ANKRD44: variants seen among roughly 807,000 people sequenced by gnomAD.
ANKRD44 encodes ankyrin repeat domain 44.
ANKRD44 carries 35 observed loss-of-function variants against 116.0 expected under a neutral mutation model. That is an observed-to-expected ratio of 0.30 (90% CI 0.23 to 0.40). The LOEUF (loss-of-function observed/expected upper bound fraction) is 0.40, where lower values mean the gene tolerates loss of function less well. Ranked by LOEUF, ANKRD44 falls within the 10% of genes least tolerant of loss-of-function variation. ANKRD44 has a pLI of 1.00. For missense variants in ANKRD44, 1,014 were observed against 1,242.6 expected (o/e 0.82, Z 2.77); for synonymous variants, 435 against 461.8 (o/e 0.94, Z 0.74).
At chr2:196,976,681 C>T (rs1267957144) in intron 21 of ANKRD44, among the ~76,000 whole-genome samples, 1 of 152,034 alleles carries the variant, frequency 6.6e-6, no homozygotes, top group Non-Finnish European at 1.5e-5. Context: ...GCCTGCACAA[C>T]ATGACAAAAC....
intron 17 of ANKRD44, among the ~76,000 whole-genome samples, chr2:197,020,307 T>A (rs1219523837): frequency 1.3e-5 from 2 of 152,160 alleles, no homozygotes; most frequent in Non-Finnish European, 2.9e-5. Context: ...ATGCTGGCAA[T>A]TAGGAAAGCT....
At chr2:197,068,411 A>AAT (rs1188652595) in intron 16 of ANKRD44, among the ~76,000 whole-genome samples, 26 of 148,334 alleles carry the variant, frequency 1.8e-4, no homozygotes, top group Non-Finnish European at 7.5e-5. Context: ...AAATAAAATA[A>AAT]AAAAAAATAA....
chr2:197,304,511 T>C (rs113465709), intron 1 of ANKRD44, among the ~76,000 whole-genome samples: 1 of 152,126 alleles, frequency 6.6e-6, no homozygotes, highest in African/African-American at 2.4e-5. Context: ...TAGGCACATT[T>C]GTAAGAAATG....
At chr2:197,019,405 G>A (rs1189704913) in intron 17 of ANKRD44, among the ~76,000 whole-genome samples, 1 of 152,208 alleles carries the variant, frequency 6.6e-6, no homozygotes, top group African/African-American at 2.4e-5. Context: ...CTTTTATGGA[G>A]CACTTGCTGT....
intron 17 of ANKRD44, among the ~76,000 whole-genome samples, chr2:197,021,621 T>G (rs1383095589): frequency 6.6e-6 from 1 of 152,216 alleles, no homozygotes; most frequent in Non-Finnish European, 1.5e-5. Context: ...TCTGTTCATA[T>G]CCTTTGCCCA....
At chr2:197,294,483 G>A (rs966650841) in intron 1 of ANKRD44, among the ~76,000 whole-genome samples, 4 of 151,940 alleles carry the variant, frequency 2.6e-5, no homozygotes, top group Admixed American at 2.6e-4. Flanking sequence ...AAATGACTCT[G>A]GAAGTACAAG....
chr2:197,294,609 A>G (rs899366658), intron 1 of ANKRD44, among the ~76,000 whole-genome samples: 6 of 152,182 alleles, frequency 3.9e-5, no homozygotes, highest in African/African-American at 1.2e-4. Context: ...CAACACACAC[A>G]CAAACTTATA....
chr2:197,310,651 G>T lies in ANKRD44; in HGVS notation c.-47C>A. 1 of 1,336,194 alleles carries T rather than the reference G, an allele frequency of 7.5e-7. No individual in the cohort carries two copies. The allele number at this position is 1,336,194 out of a possible 1,614,324, so 82.8% of individuals were successfully genotyped here. A position where few individuals can be genotyped will look rare whatever the true frequency, so the allele number is the denominator to read the frequency against. ...CACACATGCAGGTCCCCGGCCCGCA[G>T]ATGTCACGCCGGGAGCCGGGGAAGC... is the stretch of plus-strand genomic sequence containing the variant. On this transcript the variant is annotated 5_prime_UTR_variant, in exon 1 of 28. The change creates a new upstream start codon in the 5' untranslated region. Transcript: ENST00000282272.
intron 1 of ANKRD44, among the ~76,000 whole-genome samples, chr2:197,252,167 T>A (rs72928757): frequency 0.055 from 8,379 of 152,178 alleles, 345 homozygotes; most frequent in Non-Finnish European, 0.077. Context: ...ACACATACAC[T>A]AAAACTATTT....
chr2:197,154,179 T>C (rs1426768203), intron 2 of ANKRD44, among the ~76,000 whole-genome samples: 52 of 142,690 alleles, frequency 3.6e-4, no homozygotes, highest in African/African-American at 1.1e-3. Context: ...GCTTTCTTTT[T>C]TTTTTTTTTT....
intron 21 of ANKRD44, among the ~76,000 whole-genome samples, chr2:196,975,458 C>T (rs997078660): frequency 6.6e-6 from 1 of 152,078 alleles, no homozygotes; most frequent in African/African-American, 2.4e-5. Context: ...TTCTTTGAGG[C>T]CAGCGTTACC....
rs35431039 is a variant in ANKRD44, at chr2:197,109,981, ATT to A, written c.985+783_985+784del. Reference sequence around the variant, plus strand: ...CAGGTCTTCTCTGTCAAGCCTGTGAATTTTTTTTTTTTTAAGACAAAGTCTCG... The same window carrying A: ...CAGGTCTTCTCTGTCAAGCCTGTGAATTTTTTTTTTTAAGACAAAGTCTCG... On this transcript the variant is annotated intron_variant, in intron 9 of 27. Coordinates refer to ENST00000282272, the MANE Select transcript of ANKRD44 (RefSeq NM_001195144.2). Among the ~76,000 whole-genome samples the A allele has an allele frequency of 4.0e-4, 60 of 148,562 alleles. No individual in the cohort carries two copies. In the Middle Eastern group the frequency reaches 0.01, roughly 26 times the overall value.
chr2:197,301,167 TTCTTG>T (rs2083897284), intron 1 of ANKRD44: 1 of 152,394 alleles, frequency 6.6e-6, no homozygotes, highest in African/African-American at 2.4e-5. Flanking sequence ...TAAAGCATGA[TTCTTG>T]TCTTGTCTCC....
intron 2 of ANKRD44, among the ~76,000 whole-genome samples, chr2:197,149,639 C>A (rs2079590929): frequency 6.6e-6 from 1 of 152,206 alleles, no homozygotes; most frequent in Non-Finnish European, 1.5e-5. Context: ...AGCAGCAGAA[C>A]CACAGAAACA....
intron 16 of ANKRD44, chr2:197,028,840 A>AT (rs1181812530): frequency 8.6e-5 from 17 of 198,452 alleles, no homozygotes; most frequent in South Asian, 7.5e-4. Flanking sequence ...ACCAACTGTC[A>AT]TTTTTTTCCT....
At chr2:197,033,967 T>C (rs1206282082) in intron 16 of ANKRD44, among the ~76,000 whole-genome samples, 4 of 151,556 alleles carry the variant, frequency 2.6e-5, no homozygotes, top group Non-Finnish European at 5.9e-5. Context: ...GTCCTAAACA[T>C]TGAATCCAAG....
intron 17 of ANKRD44, among the ~76,000 whole-genome samples, chr2:197,014,282 T>C (rs1469282775): frequency 6.6e-6 from 1 of 152,222 alleles, no homozygotes; most frequent in African/African-American, 2.4e-5. Context: ...ATGTATAAGA[T>C]GAGAGCAATC....
At chr2:197,069,267 G>C (rs1005069126) in intron 16 of ANKRD44, among the ~76,000 whole-genome samples, 2 of 152,084 alleles carry the variant, frequency 1.3e-5, no homozygotes, top group African/African-American at 4.8e-5. Flanking sequence ...CTTGGACACA[G>C]GAAGGGGAAC....
intron 1 of ANKRD44, among the ~76,000 whole-genome samples, chr2:197,300,040 T>C (rs1034320471): frequency 2.6e-5 from 4 of 152,220 alleles, no homozygotes; most frequent in African/African-American, 9.6e-5. Flanking sequence ...GGCAACACCT[T>C]ACTTTAATGC....
Sources: gnomAD v4.1 joint callset for allele counts (sites outside exome capture counted in the v4.1 genomes callset) on GRCh38, gnomAD v4.1.1 for gene constraint, MANE v1.5 for transcripts, NCBI Gene and HGNC (gene_info 2026-07-23, HGNC 2026-07-21) for gene names.